Variants in NEK10 observed in about 807,000 individuals in gnomAD.
NEK10 encodes NIMA related kinase 10.
Under a neutral mutation model 159.8 loss-of-function variants are expected in NEK10, and 122 were observed. The ratio of observed to expected loss-of-function variants is 0.76; its 90% CI spans 0.66 to 0.89. The LOEUF is 0.89. Among genes scored for constraint, NEK10 ranks in the 40% least tolerant of loss-of-function variants. The pLI is 0.00. For synonymous variants in NEK10, 466 were observed against 457.1 expected (o/e 1.02, Z -0.25); for missense variants, 1,342 against 1,323.1 (o/e 1.01, Z -0.22).
At chr3:27,129,420 A>G (rs73141415) in intron 32 of NEK10, among the ~76,000 whole-genome samples, 6,327 of 152,050 alleles carry the variant, frequency 0.042, 314 homozygotes, top group African/African-American at 0.13. Flanking sequence ...GTATGGGGTG[A>G]CTGTGTCAGT....
chr3:27,364,015 T>C (rs2048869008), intron 1 of NEK10, among the ~76,000 whole-genome samples: 3 of 152,012 alleles, frequency 2.0e-5, no homozygotes, highest in Admixed American at 2.0e-4. Context: ...AATAAAATAG[T>C]GACACCTCTT....
chr3:27,230,287 G>A (rs1393386630), intron 23 of NEK10, among the ~76,000 whole-genome samples: 1 of 152,034 alleles, frequency 6.6e-6, no homozygotes, highest in Non-Finnish European at 1.5e-5. Flanking sequence ...ATAAATAAAG[G>A]AGAGAGAAAG....
chr3:27,341,251 A>G (rs894601625), intron 5 of NEK10, among the ~76,000 whole-genome samples: 1 of 152,158 alleles, frequency 6.6e-6, no homozygotes, highest in African/African-American at 2.4e-5. Context: ...GTACAAATGT[A>G]TTGTTAGATG....
chr3:27,253,476 T>A (rs1955870503), intron 23 of NEK10, among the ~76,000 whole-genome samples: 1 of 152,188 alleles, frequency 6.6e-6, no homozygotes, highest in Non-Finnish European at 1.5e-5. Context: ...TGCCTAATAA[T>A]AAATCACATC....
intron 5 of NEK10, among the ~76,000 whole-genome samples, chr3:27,325,890 C>T (rs1411718909): frequency 6.6e-6 from 1 of 152,216 alleles, no homozygotes; most frequent in African/African-American, 2.4e-5. Context: ...CCACAGTTGC[C>T]ATCAACACCT....
At chr3:27,272,996 G>C (rs73040648) in intron 22 of NEK10, among the ~76,000 whole-genome samples, 1 of 152,070 alleles carries the variant, frequency 6.6e-6, no homozygotes, top group African/African-American at 2.4e-5. Context: ...GAAAACAGCT[G>C]ATTGGGAAAA....
At chr3:27,206,852 G>A (rs1444713178) in intron 23 of NEK10, among the ~76,000 whole-genome samples, 1 of 152,088 alleles carries the variant, frequency 6.6e-6, no homozygotes, top group Admixed American at 6.5e-5. Context: ...CAGGACAAAG[G>A]CCTGAGCATC....
intron 23 of NEK10, among the ~76,000 whole-genome samples, chr3:27,253,416 C>A (rs1955862993): frequency 6.6e-6 from 1 of 152,242 alleles, no homozygotes; most frequent in East Asian, 1.9e-4. Context: ...AAAATGGAAA[C>A]AAGTACCATA....
chr3:27,182,422 CAT>C (rs1273643256), intron 26 of NEK10, among the ~76,000 whole-genome samples: 1 of 151,966 alleles, frequency 6.6e-6, no homozygotes, highest in Non-Finnish European at 1.5e-5. Context: ...TAAGAAGAGA[CAT>C]ATAATCCATG....
intron 22 of NEK10, among the ~76,000 whole-genome samples, chr3:27,284,282 T>C (rs577396129): frequency 6.6e-6 from 1 of 152,120 alleles, no homozygotes; most frequent in East Asian, 1.9e-4. Flanking sequence ...CTATTCAGGA[T>C]GCTGAGGTGC....
intron 7 of NEK10, 66 bp downstream of exon 7, chr3:27,314,231 T>C: frequency 1.7e-6 from 2 of 1,159,498 alleles, no homozygotes; most frequent in Non-Finnish European, 2.6e-6. Flanking sequence ...ACATACCCTT[T>C]TAATTCTTGC....
At chr3:27,330,132 C>T (rs2046295171) in intron 5 of NEK10, among the ~76,000 whole-genome samples, 1 of 113,134 alleles carries the variant, frequency 8.8e-6, no homozygotes, top group Non-Finnish European at 2.0e-5. Context: ...CCTTGGATAT[C>T]AAGGGCTGAC....
At chr3:27,250,376 C>A (rs186632045) in intron 23 of NEK10, among the ~76,000 whole-genome samples, 2 of 151,852 alleles carry the variant, frequency 1.3e-5, no homozygotes, top group Admixed American at 1.3e-4. Flanking sequence ...TTAGTAGAGA[C>A]GGGGTTTCAC....
At chr3:27,260,775 G>A (rs559097842) in intron 22 of NEK10, among the ~76,000 whole-genome samples, 1 of 152,200 alleles carries the variant, frequency 6.6e-6, no homozygotes, top group South Asian at 2.1e-4. Flanking sequence ...TTTATTGATT[G>A]GAATAGTTTC....
rs756152406 is a variant in NEK10 at position 27,352,811 on chromosome 3, C to G, written c.71+1G>C. 9 of 1,598,904 alleles carry G rather than the reference C, an allele frequency of 5.6e-6. No individual in the cohort carries two copies. Among genetic ancestry groups the G allele is most frequent in the Non-Finnish European group, 4.3e-6 (5 of 1,166,630 alleles). On this transcript the variant is annotated splice_donor_variant, in intron 2 of 35. Transcript: ENST00000691995. LOFTEE classifies it high-confidence loss of function. Reference sequence around the variant, plus strand: ...TTAGCAAACACTCAGTAGGGAGTTACCTGATGGTGATTTCTTGCTGTTTAT... The same window carrying G: ...TTAGCAAACACTCAGTAGGGAGTTAGCTGATGGTGATTTCTTGCTGTTTAT...
chr3:27,316,779 A>G (rs955605737), intron 6 of NEK10, among the ~76,000 whole-genome samples: 1 of 1,350 alleles, frequency 7.4e-4, no homozygotes, highest in African/African-American at 6.8e-3. Context: ...TTCTACCAAA[A>G]AAAGAAAAAA....
intron 19 of NEK10, among the ~76,000 whole-genome samples, chr3:27,287,966 T>TAAAATTA (rs1408826335): frequency 6.6e-6 from 1 of 152,206 alleles, no homozygotes; most frequent in Non-Finnish European, 1.5e-5. Flanking sequence ...CTTTATTAAA[T>TAAAATTA]AAAATTAAAA....
intron 20 of NEK10, 150 bp downstream of exon 20, chr3:27,287,548 G>A: frequency 1.4e-6 from 1 of 716,542 alleles, no homozygotes; most frequent in South Asian, 2.3e-5. Flanking sequence ...CACTAGTCAA[G>A]AAAGTGATGC....
intron 20 of NEK10, among the ~76,000 whole-genome samples, chr3:27,286,186 C>G (rs575282503): frequency 7.1e-6 from 1 of 141,512 alleles, no homozygotes; most frequent in Non-Finnish European, 1.5e-5. Context: ...CTGGGGTTCA[C>G]GCCATTCTCC....
Sources: allele counts gnomAD v4.1 joint callset (sites outside exome capture counted in the v4.1 genomes callset), GRCh38; gene constraint gnomAD v4.1.1; transcripts MANE v1.5; gene names NCBI Gene and HGNC (gene_info 2026-07-23, HGNC 2026-07-21).